ASTN2: variants seen among roughly 807,000 people sequenced by gnomAD.
The protein encoded by ASTN2 is astrotactin 2, also known as astrotactin-2.
A neutral mutation model predicts 139.8 loss-of-function variants in ASTN2; 54 were observed. The observed-to-expected ratio is 0.39, with a 90% CI of 0.31 to 0.48. The LOEUF (loss-of-function observed/expected upper bound fraction) is 0.48. Among genes scored for constraint, ASTN2 ranks in the 20% least tolerant of loss-of-function variants. The pLI, the probability that ASTN2 is intolerant of heterozygous loss-of-function variation, is 0.95. For synonymous variants in ASTN2, 756 were observed against 719.5 expected (o/e 1.05, Z -0.81); for missense variants, 1,565 against 1,725.1 (o/e 0.91, Z 1.64).
chr9:116,429,810 T>C (rs7851467), intron 22 of ASTN2, among the ~76,000 whole-genome samples: 146,726 of 152,268 alleles, frequency 0.96, 70,882 homozygotes, highest in Non-Finnish European at 1. Flanking sequence ...GAACACTACG[T>C]ATGCTGTTCT....
chr9:116,467,252 T>TAGAGAGAG (rs3984941), intron 20 of ASTN2, among the ~76,000 whole-genome samples: 5 of 150,816 alleles, frequency 3.3e-5, no homozygotes, highest in East Asian at 2.0e-4. Context: ...AGGAAAGAGA[T>TAGAGAGAG]AGAGAGAGAG....
intron 4 of ASTN2, among the ~76,000 whole-genome samples, chr9:117,102,662 A>G (rs1330821501): frequency 1.3e-5 from 2 of 152,062 alleles, no homozygotes; most frequent in East Asian, 3.9e-4. Context: ...AGCTGGGATT[A>G]CAGGTGTGCA....
chr9:117,412,679 G>T (rs187702426), intron 1 of ASTN2, among the ~76,000 whole-genome samples: 205 of 152,274 alleles, frequency 1.3e-3, no homozygotes, highest in African/African-American at 4.8e-3. Flanking sequence ...TGGCCGTTTG[G>T]GGGGCGGGAG....
intron 2 of ASTN2, among the ~76,000 whole-genome samples, chr9:117,256,646 A>G (rs941019280): frequency 2.0e-5 from 3 of 152,230 alleles, no homozygotes; most frequent in African/African-American, 7.2e-5. Context: ...AGACTACGTT[A>G]TAGTAGCATA....
At chr9:116,997,808 T>A (rs1470391681) in intron 7 of ASTN2, among the ~76,000 whole-genome samples, 1 of 152,224 alleles carries the variant, frequency 6.6e-6, no homozygotes. Context: ...TGGTACACAA[T>A]AAGTGCCTAA....
rs1484484577 is a variant in ASTN2, at chr9:116,425,403, G to C, written c.*448C>G. ...AACCATCCTCAGAGCTTCCTTCCTG[G>C]TGCTGAAGAGGTCAAAACTGTCTCC... On this transcript the variant is annotated 3_prime_UTR_variant, in exon 23 of 23. Coordinates refer to ENST00000313400, the MANE Select transcript of ASTN2 (RefSeq NM_001365068.1). 2 of 667,694 alleles carry C rather than the reference G, an allele frequency of 3.0e-6. No homozygotes were observed. The highest frequency in any genetic ancestry group is 5.9e-5 in the Admixed American group (2 of 34,172). 41.4% of individuals were successfully genotyped at this position (667,694 alleles called of 1,614,324 possible).
intron 10 of ASTN2, among the ~76,000 whole-genome samples, chr9:116,919,003 A>G (rs1171143526): frequency 1.3e-5 from 2 of 151,046 alleles, no homozygotes; most frequent in Non-Finnish European, 2.9e-5. Flanking sequence ...TCACTGTATC[A>G]TTTTGGGCTT....
At chr9:116,570,474 C>A (rs953046557) in intron 19 of ASTN2, among the ~76,000 whole-genome samples, 3 of 152,156 alleles carry the variant, frequency 2.0e-5, no homozygotes, top group African/African-American at 4.8e-5. Context: ...CGGCTCACTG[C>A]AAGCTCCGCC....
chr9:117,018,630 C>T (rs1187877224), intron 6 of ASTN2, among the ~76,000 whole-genome samples: 2 of 152,134 alleles, frequency 1.3e-5, no homozygotes, highest in African/African-American at 4.8e-5. Context: ...TGGGCAGGCA[C>T]ATCTGGATTC....
At chr9:117,289,573 A>T (rs1461207008) in intron 2 of ASTN2, among the ~76,000 whole-genome samples, 1 of 152,212 alleles carries the variant, frequency 6.6e-6, no homozygotes, top group African/African-American at 2.4e-5. Flanking sequence ...GTGCTGAAAC[A>T]CAGAAAATGT....
At chr9:117,228,386 G>T (rs1832781548) in intron 2 of ASTN2, among the ~76,000 whole-genome samples, 1 of 152,078 alleles carries the variant, frequency 6.6e-6, no homozygotes, top group South Asian at 2.1e-4. Context: ...CACAATAGGG[G>T]TCTCTTAGAG....
intron 2 of ASTN2, among the ~76,000 whole-genome samples, chr9:117,284,871 G>A (rs1046381274): frequency 6.6e-6 from 1 of 152,198 alleles, no homozygotes; most frequent in African/African-American, 2.4e-5. Flanking sequence ...GAGCCAGAAT[G>A]TGAACCTCAG....
At chr9:116,889,349 C>G (rs1833699495) in intron 10 of ASTN2, among the ~76,000 whole-genome samples, 1 of 152,142 alleles carries the variant, frequency 6.6e-6, no homozygotes, top group Non-Finnish European at 1.5e-5. Flanking sequence ...ATTCATGTCT[C>G]AGGGCCCAGC....
intron 5 of ASTN2, among the ~76,000 whole-genome samples, chr9:117,044,309 T>C (rs1308676985): frequency 2.0e-5 from 3 of 152,204 alleles, no homozygotes; most frequent in East Asian, 1.9e-4. Context: ...ATGAACAGCA[T>C]TGTGGGGCCC....
At chr9:116,794,858 T>C (rs1212828604) in intron 13 of ASTN2, among the ~76,000 whole-genome samples, 42 of 152,226 alleles carry the variant, frequency 2.8e-4, no homozygotes, top group Admixed American at 2.7e-3. Context: ...TGAGCGAGAC[T>C]GATGTGCAGT....
intron 11 of ASTN2, among the ~76,000 whole-genome samples, chr9:116,828,022 C>A (rs1032492789): frequency 6.6e-6 from 1 of 152,166 alleles, no homozygotes; most frequent in Non-Finnish European, 1.5e-5. Flanking sequence ...AAAGGCCGGG[C>A]ACAGTGGCTC....
Position 116,791,570 on chromosome 9 carries a change from T to C in ASTN2, c.2396+14062A>G, listed in dbSNP as rs1220416757. ...AAGACACTTAAGAGAACAAACTGCC[T>C]GGAGTCACTTTGGAAGCAGCCATTA... On this transcript the variant is annotated intron_variant, in intron 13 of 22. Transcript: ENST00000313400. 2.0e-5 allele frequency among the ~76,000 whole-genome samples: 3 copies of C among 152,216 alleles called. No individual in the cohort carries two copies. In the East Asian group the frequency reaches 5.8e-4, roughly 29 times the overall value.
chr9:116,446,942 C>T (rs1453898884), intron 20 of ASTN2, among the ~76,000 whole-genome samples: 1 of 152,190 alleles, frequency 6.6e-6, no homozygotes, highest in Non-Finnish European at 1.5e-5. Flanking sequence ...ACATTGTCAT[C>T]CTCAGGACAT....
intron 3 of ASTN2, among the ~76,000 whole-genome samples, chr9:117,167,443 C>T (rs1830694758): frequency 6.6e-6 from 1 of 152,080 alleles, no homozygotes; most frequent in Admixed American, 6.6e-5. Context: ...CTTCTTCTCT[C>T]TTCATTTTAA....
Sources: allele counts gnomAD v4.1 joint callset (sites outside exome capture counted in the v4.1 genomes callset), GRCh38; gene constraint gnomAD v4.1.1; transcripts MANE v1.5; gene names NCBI Gene and HGNC (gene_info 2026-07-23, HGNC 2026-07-21).